IHO1: variants seen among roughly 807,000 people sequenced by gnomAD.
IHO1 encodes interactor of HORMAD1 1.
A neutral mutation model predicts 31.0 loss-of-function variants in IHO1; 13 were observed. The observed-to-expected ratio is 0.42, with a 90% CI of 0.27 to 0.67. The LOEUF (loss-of-function observed/expected upper bound fraction) is 0.67, where lower values mean the gene tolerates loss of function less well. IHO1 is among the 30% of genes least tolerant of loss of function. The pLI, the probability that IHO1 is intolerant of heterozygous loss-of-function variation, is 0.24. For missense variants in IHO1, 599 were observed against 687.5 expected (o/e 0.87, Z 1.44); for synonymous variants, 221 against 248.4 (o/e 0.89, Z 1.04).
chr3:49,252,313 C>T (rs1234220599), intron 6 of IHO1: 1 of 153,650 alleles, frequency 6.5e-6, no homozygotes, highest in Non-Finnish European at 1.5e-5. Context: ...TTCCAGAAGG[C>T]AGCCAGCATT....
intron 3 of IHO1, among the ~76,000 whole-genome samples, chr3:49,238,259 G>A (rs1205188004): frequency 6.6e-6 from 1 of 151,916 alleles, no homozygotes; most frequent in Non-Finnish European, 1.5e-5. Flanking sequence ...TTTGATTTTG[G>A]AGGCACCTAT....
chr3:49,248,893 G>A (rs1428957835), intron 6 of IHO1, among the ~76,000 whole-genome samples: 2 of 152,208 alleles, frequency 1.3e-5, no homozygotes, highest in Non-Finnish European at 2.9e-5. Flanking sequence ...AGAGGAACCA[G>A]ACAAATCCTC....
At chr3:49,194,190 C>T (rs2045982971), upstream of IHO1, among the ~76,000 whole-genome samples, 1 of 149,044 alleles carries the variant, frequency 6.7e-6, no homozygotes, top group South Asian at 2.1e-4. Flanking sequence ...ATTGCTTCAA[C>T]CCAGGAGGCA....
intron 2 of IHO1, among the ~76,000 whole-genome samples, chr3:49,218,790 T>C (rs1332354829): frequency 6.6e-6 from 1 of 152,162 alleles, no homozygotes; most frequent in African/African-American, 2.4e-5. Flanking sequence ...TGCTGAGTCA[T>C]GCAGGCCTGG....
chr3:49,247,323 G>A (rs1215023128), intron 6 of IHO1, among the ~76,000 whole-genome samples: 1 of 151,700 alleles, frequency 6.6e-6, no homozygotes, highest in African/African-American at 2.4e-5. Context: ...TCTTCCTCCC[G>A]GGTTCAAGCC....
At chr3:49,244,485 A>T in intron 5 of IHO1, 33 bp downstream of exon 5, 1 of 1,441,808 alleles carries the variant, frequency 6.9e-7, no homozygotes, top group African/African-American at 1.4e-5. Flanking sequence ...GAGTTAGAAC[A>T]TCTTATATTT....
chr3:49,226,367 G>A (rs1238078930), intron 2 of IHO1, among the ~76,000 whole-genome samples: 1 of 152,150 alleles, frequency 6.6e-6, no homozygotes, highest in Non-Finnish European at 1.5e-5. Flanking sequence ...ATTGACCCTC[G>A]AGTGAGTCAG....
chr3:49,255,644 T>A (rs202176964), intron 7 of IHO1, 151 bp downstream of exon 7: 10 of 516,966 alleles, frequency 1.9e-5, no homozygotes, highest in Non-Finnish European at 3.4e-5. Context: ...CCGCCTCCCA[T>A]GTTCAAGCAA....
chr3:49,209,958 C>T (rs1436283106), intron 1 of IHO1, among the ~76,000 whole-genome samples: 2 of 151,624 alleles, frequency 1.3e-5, no homozygotes, highest in Middle Eastern at 3.2e-3. Flanking sequence ...CCTCGTAATC[C>T]ACTTGCCTTG....
At chr3:49,234,341 A>T (rs1421487659) in intron 2 of IHO1, among the ~76,000 whole-genome samples, 1 of 145,338 alleles carries the variant, frequency 6.9e-6, no homozygotes, top group Non-Finnish European at 1.5e-5. Context: ...TGCCCAGCTA[A>T]TTTTTTTTTT....
chr3:49,248,144 C>T (rs1479968881), intron 6 of IHO1, among the ~76,000 whole-genome samples: 1 of 126,554 alleles, frequency 7.9e-6, no homozygotes, highest in Non-Finnish European at 1.7e-5. Flanking sequence ...AAAAAAAGGC[C>T]AGGTGTGGTG....
At chr3:49,253,155 G>A (rs1188288423) in intron 6 of IHO1, among the ~76,000 whole-genome samples, 1 of 152,160 alleles carries the variant, frequency 6.6e-6, no homozygotes, top group Non-Finnish European at 1.5e-5. Context: ...GCCAGGCATG[G>A]TGGCTTATGC....
chr3:49,241,978 T>C (rs2046637703), intron 4 of IHO1, among the ~76,000 whole-genome samples: 1 of 151,988 alleles, frequency 6.6e-6, no homozygotes, highest in Non-Finnish European at 1.5e-5. Flanking sequence ...AGTTTCACTC[T>C]TGTTGTCCAG....
chr3:49,235,072 C>T (rs1203572031), intron 2 of IHO1, among the ~76,000 whole-genome samples: 1 of 151,920 alleles, frequency 6.6e-6, no homozygotes, highest in African/African-American at 2.4e-5. Flanking sequence ...GTCTCGAACT[C>T]CTAACCTTGT....
At chr3:49,216,741 A>C (rs1347154328) in intron 2 of IHO1, among the ~76,000 whole-genome samples, 2 of 152,266 alleles carry the variant, frequency 1.3e-5, no homozygotes, top group East Asian at 3.9e-4. Flanking sequence ...TGCAATCTAC[A>C]CATCTGATAA....
chr3:49,244,484 C>T (rs1168559227), intron 5 of IHO1, 32 bp downstream of exon 5: 1 of 1,452,608 alleles, frequency 6.9e-7, no homozygotes, highest in Non-Finnish European at 9.5e-7. Context: ...GGAGTTAGAA[C>T]ATCTTATATT....
intron 6 of IHO1, chr3:49,245,108 G>A (rs1334075441): frequency 4.3e-6 from 2 of 465,770 alleles, no homozygotes; most frequent in African/African-American, 3.8e-5. Flanking sequence ...TTAGGAGTTA[G>A]AAATACTGTA....
intron 2 of IHO1, among the ~76,000 whole-genome samples, chr3:49,223,660 C>T (rs1456127407): frequency 2.0e-5 from 3 of 151,666 alleles, no homozygotes; most frequent in Non-Finnish European, 4.4e-5. Context: ...CACTGCACTC[C>T]AGCCTGGGAG....
chr3:49,240,280 G>A (rs2046615365), intron 3 of IHO1, among the ~76,000 whole-genome samples: 4 of 152,104 alleles, frequency 2.6e-5, no homozygotes, highest in Admixed American at 2.6e-4. Flanking sequence ...CTGGAATGCA[G>A]TGGTGCAATC....
Sources: allele counts gnomAD v4.1 joint callset (sites outside exome capture counted in the v4.1 genomes callset), GRCh38; gene constraint gnomAD v4.1.1; transcripts MANE v1.5; gene names NCBI Gene and HGNC (gene_info 2026-07-23, HGNC 2026-07-21).